The following NKAIN2 variants were observed in gnomAD, a reference collection of about 807,000 sequenced individuals.
NKAIN2 encodes the protein sodium/potassium transporting ATPase interacting 2, also known as sodium/potassium-transporting ATPase subunit beta-1-interacting protein 2.
In NKAIN2, 14 loss-of-function variants were observed where a neutral mutation model predicts 32.6. The observed-to-expected ratio is 0.43, with a 90% CI of 0.28 to 0.67. NKAIN2 has a LOEUF of 0.67. NKAIN2 is among the 30% of genes least tolerant of loss of function. The pLI, the probability that NKAIN2 is intolerant of heterozygous loss-of-function variation, is 0.17. For missense variants in NKAIN2, 198 were observed against 258.3 expected (o/e 0.77, Z 1.60); for synonymous variants, 80 against 87.2 (o/e 0.92, Z 0.46).
intron 1 of NKAIN2, among the ~76,000 whole-genome samples, chr6:123,813,451 G>C (rs1773560950): frequency 6.6e-6 from 1 of 152,218 alleles, no homozygotes; most frequent in Non-Finnish European, 1.5e-5. Context: ...ATTAGGGTTT[G>C]TGGATATGTT....
intron 1 of NKAIN2, among the ~76,000 whole-genome samples, chr6:124,246,673 A>T (rs1247959034): frequency 6.6e-6 from 1 of 152,026 alleles, no homozygotes; most frequent in South Asian, 2.1e-4. Context: ...CTAACACCAC[A>T]ACCTATTGGG....
chr6:124,160,620 G>T (rs1244927736), intron 1 of NKAIN2, among the ~76,000 whole-genome samples: 1 of 152,018 alleles, frequency 6.6e-6, no homozygotes, highest in African/African-American at 2.4e-5. Context: ...TTCATGAAAG[G>T]TTGGTTTAAC....
At chr6:124,593,205 T>TTGTGTGTG (rs10526889) in intron 3 of NKAIN2, among the ~76,000 whole-genome samples, 4,522 of 149,946 alleles carry the variant, frequency 0.03, 108 homozygotes, top group African/African-American at 0.066. Context: ...GATGAGAGTT[T>TTGTGTGTG]TGTGTGTGTG....
chr6:124,541,567 G>A (rs1389415625), intron 3 of NKAIN2, among the ~76,000 whole-genome samples: 1 of 152,154 alleles, frequency 6.6e-6, no homozygotes, highest in Non-Finnish European at 1.5e-5. Context: ...CTTGGTGTTA[G>A]AGCATTGGCA....
intron 3 of NKAIN2, among the ~76,000 whole-genome samples, chr6:124,637,294 G>A (rs1387385665): frequency 1.3e-5 from 2 of 151,890 alleles, no homozygotes; most frequent in Non-Finnish European, 2.9e-5. Context: ...ACACCTAATT[G>A]GGAAAAGCTA....
At chr6:124,678,948 G>C (rs1030463249) in intron 4 of NKAIN2, among the ~76,000 whole-genome samples, 7 of 152,078 alleles carry the variant, frequency 4.6e-5, no homozygotes, top group Admixed American at 4.6e-4. Context: ...AAATCAGAGC[G>C]ATTTACTAGT....
At chr6:124,614,486 T>C (rs1022972775) in intron 3 of NKAIN2, among the ~76,000 whole-genome samples, 1 of 152,230 alleles carries the variant, frequency 6.6e-6, no homozygotes, top group Non-Finnish European at 1.5e-5. Flanking sequence ...TCTTAGTCTC[T>C]ATAGAACTTT....
At chr6:124,074,219 G>T (rs1783589709) in intron 1 of NKAIN2, among the ~76,000 whole-genome samples, 1 of 152,090 alleles carries the variant, frequency 6.6e-6, no homozygotes, top group Non-Finnish European at 1.5e-5. Context: ...CAGCGTTCAG[G>T]GTTTTTTAAA....
intron 1 of NKAIN2, among the ~76,000 whole-genome samples, chr6:123,816,466 C>G (rs1269194653): frequency 6.6e-6 from 1 of 152,150 alleles, no homozygotes; most frequent in Non-Finnish European, 1.5e-5. Flanking sequence ...GATTGCTAAA[C>G]TGCTTCAAAG....
At chr6:124,346,181 G>T (rs1429168937) in intron 2 of NKAIN2, among the ~76,000 whole-genome samples, 1 of 152,132 alleles carries the variant, frequency 6.6e-6, no homozygotes, top group Admixed American at 6.5e-5. Context: ...TAGTTTGATT[G>T]CACTGTGGTT....
chr6:124,080,464 T>G (rs1232373251), intron 1 of NKAIN2, among the ~76,000 whole-genome samples: 1 of 152,128 alleles, frequency 6.6e-6, no homozygotes, highest in East Asian at 1.9e-4. Flanking sequence ...GTCTCACAGT[T>G]TCATTTTACT....
intron 3 of NKAIN2, among the ~76,000 whole-genome samples, chr6:124,420,898 T>A (rs2114532518): frequency 6.6e-6 from 1 of 152,090 alleles, no homozygotes; most frequent in Admixed American, 6.6e-5. Flanking sequence ...GTAGCATTTG[T>A]TGTTATGAGT....
chr6:124,149,049 A>C (rs1189739404), intron 1 of NKAIN2, among the ~76,000 whole-genome samples: 1 of 152,116 alleles, frequency 6.6e-6, no homozygotes, highest in Admixed American at 6.5e-5. Context: ...CATTTCCCTG[A>C]CAATTCAAGA....
chr6:124,750,666 CTT>C (rs1562362586), intron 4 of NKAIN2, among the ~76,000 whole-genome samples: 1 of 151,986 alleles, frequency 6.6e-6, no homozygotes, highest in African/African-American at 2.4e-5. Context: ...CTTTTTATCT[CTT>C]TGGCTGCCTT....
chr6:124,058,204 G>GT (rs35264755), intron 1 of NKAIN2, among the ~76,000 whole-genome samples: 6 of 132,240 alleles, frequency 4.5e-5, no homozygotes, highest in East Asian at 2.2e-4. Context: ...TTTAAGTTTT[G>GT]TTTTTTTTTT....
At chr6:124,596,263 A>G (rs1468344967) in intron 3 of NKAIN2, among the ~76,000 whole-genome samples, 1 of 152,064 alleles carries the variant, frequency 6.6e-6, no homozygotes, top group African/African-American at 2.4e-5. Context: ...CCAGTGCTGG[A>G]GGTGGATGTG....
chr6:124,279,324 G>A (rs954207485), intron 1 of NKAIN2, among the ~76,000 whole-genome samples: 2 of 151,884 alleles, frequency 1.3e-5, no homozygotes, highest in East Asian at 1.9e-4. Context: ...TGGCTAACAC[G>A]GTGAAACCCC....
chr6:124,134,550 G>A (rs1786638386), intron 1 of NKAIN2, among the ~76,000 whole-genome samples: 1 of 152,116 alleles, frequency 6.6e-6, no homozygotes, highest in Admixed American at 6.6e-5. Context: ...TGGGCATGGT[G>A]GTACATGCCT....
At chr6:124,700,399 C>G (rs1774717235) in intron 4 of NKAIN2, among the ~76,000 whole-genome samples, 1 of 152,132 alleles carries the variant, frequency 6.6e-6, no homozygotes, top group Admixed American at 6.5e-5. Context: ...ACATCAGCAA[C>G]TTTTTGCCAA....
Sources: allele counts gnomAD v4.1 joint callset (sites outside exome capture counted in the v4.1 genomes callset), GRCh38; gene constraint gnomAD v4.1.1; transcripts MANE v1.5; gene names NCBI Gene and HGNC (gene_info 2026-07-23, HGNC 2026-07-21).